The following BSDC1 variants were observed in gnomAD, a reference collection of about 807,000 sequenced individuals.
BSDC1 encodes BSD domain-containing protein 1.
In BSDC1, 29 loss-of-function variants were observed where a neutral mutation model predicts 56.0. The observed-to-expected ratio is 0.52, with a 90% CI of 0.39 to 0.71. The LOEUF (loss-of-function observed/expected upper bound fraction) is 0.71. Among genes scored for constraint, BSDC1 ranks in the 30% least tolerant of loss-of-function variants. BSDC1 has a pLI of 0.00. For missense variants in BSDC1, 477 were observed against 548.5 expected, an observed-to-expected ratio of 0.87 and a Z score of 1.30; for synonymous variants, 210 against 215.3, an observed-to-expected ratio of 0.98 and a Z score of 0.21.
intron 2 of BSDC1, among the ~76,000 whole-genome samples, chr1:32,390,728 T>G (rs1360016290): frequency 6.6e-6 from 1 of 152,050 alleles, no homozygotes; most frequent in African/African-American, 2.4e-5. Flanking sequence ...CTGGGCAACA[T>G]GGCGAGATCT....
rs559864429 is a variant in BSDC1, at chr1:32,380,102, A to T, written c.412+1112T>A. 9.8e-5 allele frequency among the ~76,000 whole-genome samples: 15 copies of T among 152,320 alleles called. No homozygotes were observed. In the South Asian group the frequency reaches 1.9e-3, roughly 19 times the overall value. On this transcript the variant is annotated intron_variant, in intron 5 of 10. Coordinates refer to ENST00000455895, the MANE Select transcript of BSDC1 (RefSeq NM_018045.8). The stretch of plus-strand genomic sequence containing the variant: ...TAGATTTGTAAAGGCCTTTGTGACT[A>T]AAGAGAGGTCTAGAGCTACTACTGT...
At chr1:32,381,113 G>C (rs938890213) in intron 5 of BSDC1, 101 bp downstream of exon 5, 9 of 1,118,810 alleles carry the variant, frequency 8.0e-6, no homozygotes, top group Middle Eastern at 2.8e-4. Context: ...CCCTACATAG[G>C]GGGTGCCCGG....
chr1:32,378,585 G>T lies in BSDC1; in HGVS notation c.528+139C>A. ...TCTCCCATGTGGGGTCTTGGCTCAG[G>T]ACACAGCTGGTCTGGCTCTATGGAG... On this transcript the variant is annotated intron_variant, in intron 6 of 10. Transcript: ENST00000455895. This position sits in a 1 kb window ranked among gnomAD's most constrained non-coding sequence, Gnocchi z 5.2. 1.5e-6 allele frequency: 1 copy of T among 680,750 alleles called. No individual in the cohort carries two copies. The allele number at this position is 680,750 out of a possible 1,614,324, so 42.2% of individuals were successfully genotyped here. A position where few individuals can be genotyped will look rare whatever the true frequency, so the allele number is the denominator to read the frequency against.
At chr1:32,372,781 C>T (rs963770509) in intron 9 of BSDC1, among the ~76,000 whole-genome samples, 2 of 152,178 alleles carry the variant, frequency 1.3e-5, no homozygotes, top group Non-Finnish European at 2.9e-5. Context: ...CTGTCACTCA[C>T]AGCTCATTTT....
intron 5 of BSDC1, 58 bp downstream of exon 5, chr1:32,381,156 C>G (rs1424998961): frequency 6.3e-7 from 1 of 1,580,966 alleles, no homozygotes; most frequent in Non-Finnish European, 8.7e-7. Flanking sequence ...GGGTCTACAA[C>G]CCAGCCCCCT....
chr1:32,388,566 C>T (rs564022084), intron 2 of BSDC1, among the ~76,000 whole-genome samples: 1 of 152,238 alleles, frequency 6.6e-6, no homozygotes, highest in African/African-American at 2.4e-5. Context: ...CAGGGCAGAC[C>T]GTGCTGCTTT....
At chr1:32,370,627 C>A (rs1642041299) in intron 9 of BSDC1, among the ~76,000 whole-genome samples, 1 of 151,510 alleles carries the variant, frequency 6.6e-6, no homozygotes, top group Non-Finnish European at 1.5e-5. Context: ...TGTGGTGAAA[C>A]CCCATCTCTA....
Position 32,376,415 on chromosome 1 carries a change from T to TG in BSDC1, c.1002dup (p.Lys335GlnfsTer35). On this transcript the variant is annotated frameshift_variant, in exon 9 of 11. Transcript: ENST00000455895. LOFTEE classifies it high-confidence loss of function. The stretch of plus-strand genomic sequence containing the variant: ...GTGTGGCCAGCAGGCGTTAGGGGCT[T>TG]GGAGTGAATAGGGGGTGAGGGTCCA... The TG allele has an allele frequency of 6.2e-7, 1 of 1,613,856 alleles. No homozygotes were observed. Among genetic ancestry groups the TG allele is most frequent in the Non-Finnish European group, 8.5e-7 (1 of 1,179,762 alleles).
At chr1:32,374,263 C>A (rs1286529063) in intron 9 of BSDC1, among the ~76,000 whole-genome samples, 1 of 152,220 alleles carries the variant, frequency 6.6e-6, no homozygotes, top group Non-Finnish European at 1.5e-5. Flanking sequence ...TTTCATTTCC[C>A]CAAAGCAGGG....
intron 3 of BSDC1, 84 bp downstream of exon 3, chr1:32,386,695 T>C: frequency 1.1e-6 from 1 of 891,782 alleles, no homozygotes. Context: ...GGAAAAATAA[T>C]CACTTAATGG....
chr1:32,391,756 T>G (rs1183183147), intron 2 of BSDC1, among the ~76,000 whole-genome samples: 3 of 151,764 alleles, frequency 2.0e-5, no homozygotes, highest in Non-Finnish European at 4.4e-5. Flanking sequence ...GAGAAGTGAG[T>G]GGTCCAGATG....
Position 32,390,535 on chromosome 1 carries a change from G to A in BSDC1, c.72+3545C>T, listed in dbSNP as rs111825386. Among the ~76,000 whole-genome samples, 340 of 152,286 alleles carry A rather than the reference G, an allele frequency of 2.2e-3. 2 individuals carry two copies. The highest frequency in any genetic ancestry group is 0.017 in the South Asian group (84 of 4,828). Reference sequence around the variant, plus strand: ...GAGGAGGAGCAGTCCTAGAGACAAGGTGGTAACAATGACTTTGGGCACGCA... The same window carrying A: ...GAGGAGGAGCAGTCCTAGAGACAAGATGGTAACAATGACTTTGGGCACGCA... On this transcript the variant is annotated intron_variant, in intron 2 of 10. Transcript: ENST00000455895.
chr1:32,384,887 A>G (rs1291146877), intron 3 of BSDC1, among the ~76,000 whole-genome samples: 2 of 152,212 alleles, frequency 1.3e-5, no homozygotes, highest in Non-Finnish European at 2.9e-5. Context: ...AATGAAATAA[A>G]CAAGTGATAT....
At chr1:32,379,318 A>C (rs530303316) in intron 5 of BSDC1, among the ~76,000 whole-genome samples, 3 of 150,804 alleles carry the variant, frequency 2.0e-5, no homozygotes, top group Non-Finnish European at 3.0e-5. Flanking sequence ...TCCTTTCCAT[A>C]TCTCTCTGGC....
At chr1:32,376,920 C>G (rs1642311200) in intron 8 of BSDC1, among the ~76,000 whole-genome samples, 179 bp from the exon 9 acceptor site, 1 of 152,126 alleles carries the variant, frequency 6.6e-6, no homozygotes, top group Non-Finnish European at 1.5e-5. Flanking sequence ...CACCTGAGGT[C>G]AGGAGTTTTT....
intron 5 of BSDC1, among the ~76,000 whole-genome samples, chr1:32,380,361 C>T (rs1448139459): frequency 6.6e-6 from 1 of 152,176 alleles, no homozygotes; most frequent in Non-Finnish European, 1.5e-5. Flanking sequence ...AACCCCAACT[C>T]CGTCCAGGCA....
chr1:32,393,419 G>C (rs1467904604), intron 2 of BSDC1, among the ~76,000 whole-genome samples: 1 of 152,152 alleles, frequency 6.6e-6, no homozygotes, highest in Admixed American at 6.5e-5. Flanking sequence ...TCTGGCTTGG[G>C]TTCTTGCTTT....
rs997629005 is a variant in BSDC1 at position 32,380,048 on chromosome 1, T to C, written c.412+1166A>G. ...AGAATTCTCATATTGCACAAAAAGTTTGGTGGAGAGAGGGCTTGTCATTTT... is the reference window on the plus strand; with the variant it reads ...AGAATTCTCATATTGCACAAAAAGTCTGGTGGAGAGAGGGCTTGTCATTTT... On this transcript the variant is annotated intron_variant, in intron 5 of 10. Coordinates refer to ENST00000455895, the MANE Select transcript of BSDC1 (RefSeq NM_018045.8). 5.3e-4 allele frequency among the ~76,000 whole-genome samples: 80 copies of C among 152,238 alleles called. 1 individual carries two copies. Among genetic ancestry groups the C allele is most frequent in the African/African-American group, 1.8e-3 (74 of 41,536 alleles).
Position 32,383,893 on chromosome 1 carries a change from G to A in BSDC1, c.294C>T (p.Asp98=), listed in dbSNP as rs1437748869. 1 of 1,612,332 alleles carries A rather than the reference G, an allele frequency of 6.2e-7. No homozygotes were observed. The highest frequency in any genetic ancestry group is 8.5e-7 in the Non-Finnish European group (1 of 1,180,040). The change falls in exon 4 of 11, where the codon GAC becomes GAT. Residue 98 remains aspartate, a synonymous_variant. Coordinates refer to ENST00000455895, the MANE Select transcript of BSDC1 (RefSeq NM_018045.8). ...TFAPSPDKTI[D]CDVITLMGTP... ...TGCCCATCAGGGTGATGACATCGCA[G>A]TCGATGGTTTTGTCTGGCGAAGGGG...
Sources: allele counts gnomAD v4.1 joint callset (sites outside exome capture counted in the v4.1 genomes callset), GRCh38; gene constraint gnomAD v4.1.1; non-coding constraint Gnocchi (gnomAD v3.1); transcripts MANE v1.5; gene names NCBI Gene and HGNC (gene_info 2026-07-23, HGNC 2026-07-21).